Variants in SORCS3 observed in about 807,000 individuals in gnomAD.
SORCS3 encodes VPS10 domain-containing receptor SorCS3.
A neutral mutation model predicts 146.3 loss-of-function variants in SORCS3; 57 were observed. The observed-to-expected ratio is 0.39, with a 90% CI of 0.31 to 0.49. The LOEUF is 0.49. SORCS3 is among the 20% of genes least tolerant of loss of function. SORCS3 has a pLI of 0.92. For synonymous variants in SORCS3, 653 were observed against 618.5 expected (o/e 1.06, Z -0.83); for missense variants, 1,341 against 1,575.5 (o/e 0.85, Z 2.52).
chr10:105,116,887 A>G (rs1823714), intron 7 of SORCS3, among the ~76,000 whole-genome samples: 77,319 of 151,854 alleles, frequency 0.51, 19,972 homozygotes, highest in Admixed American at 0.55. Context: ...CCTACTTAAA[A>G]GTGGAGGGTG....
In SORCS3 at chr10:105,164,435, C is replaced by A. The variant is rs2056295398; in HGVS notation, c.1809+56C>A. The A allele has an allele frequency of 6.1e-6, 7 of 1,149,992 alleles. No individual in the cohort carries two copies. In the East Asian group the frequency reaches 1.6e-4, roughly 27 times the overall value. The allele number at this position is 1,149,992 out of a possible 1,614,324, so 71.2% of individuals were successfully genotyped here. On this transcript the variant is annotated intron_variant, in intron 12 of 26. Coordinates refer to ENST00000369701, the MANE Select transcript of SORCS3 (RefSeq NM_014978.3). Reference sequence around the variant, plus strand: ...GGCATTTAGAGTAAGTTCTACCAATCTCTCTCTCCATCCTATAGATTCTCA... The same window carrying A: ...GGCATTTAGAGTAAGTTCTACCAATATCTCTCTCCATCCTATAGATTCTCA...
chr10:104,834,237 T>C (rs1589517293), intron 1 of SORCS3, among the ~76,000 whole-genome samples: 1 of 152,134 alleles, frequency 6.6e-6, no homozygotes, highest in African/African-American at 2.4e-5. Context: ...AAAACCTAAG[T>C]CCTCCATGTA....
chr10:105,147,483 A>G, intron 8 of SORCS3, 134 bp from the exon 9 acceptor site: 1 of 667,642 alleles, frequency 1.5e-6, no homozygotes, highest in Non-Finnish European at 2.3e-6. Flanking sequence ...TTGGTTCAAC[A>G]TGGAATTGTT....
chr10:105,219,064 G>T (rs12254901), intron 19 of SORCS3, among the ~76,000 whole-genome samples: 11,556 of 152,180 alleles, frequency 0.076, 529 homozygotes, highest in Middle Eastern at 0.17. Flanking sequence ...TAAAAGGGAG[G>T]CTGTGAGAAT....
intron 3 of SORCS3, among the ~76,000 whole-genome samples, chr10:104,969,597 C>T (rs945843771): frequency 3.3e-5 from 5 of 152,062 alleles, no homozygotes; most frequent in Admixed American, 3.3e-4. Flanking sequence ...AGAGACACTA[C>T]CAGTGATATC....
At chr10:104,750,197 A>G (rs2016967824) in intron 1 of SORCS3, among the ~76,000 whole-genome samples, 1 of 152,146 alleles carries the variant, frequency 6.6e-6, no homozygotes, top group Non-Finnish European at 1.5e-5. Context: ...AATGAAGAGG[A>G]GGTGATGATC....
chr10:104,701,742 C>T (rs376701127), intron 1 of SORCS3, among the ~76,000 whole-genome samples: 13 of 152,156 alleles, frequency 8.5e-5, no homozygotes, highest in African/African-American at 3.1e-4. Flanking sequence ...AGAGTTCAGG[C>T]AAGAGTAGAT....
intron 14 of SORCS3, among the ~76,000 whole-genome samples, chr10:105,179,850 A>C (rs2056432109): frequency 6.6e-6 from 1 of 152,232 alleles, no homozygotes; most frequent in African/African-American, 2.4e-5. Context: ...GAAGACAGGG[A>C]GTCCATTTGG....
intron 2 of SORCS3, among the ~76,000 whole-genome samples, chr10:104,871,602 A>C (rs1220566433): frequency 6.6e-6 from 1 of 152,172 alleles, no homozygotes; most frequent in Non-Finnish European, 1.5e-5. Flanking sequence ...ATTTTTTCTT[A>C]TGGAGAGTAA....
chr10:104,675,336 T>G (rs1195324206), intron 1 of SORCS3, among the ~76,000 whole-genome samples: 2 of 152,218 alleles, frequency 1.3e-5, no homozygotes, highest in Non-Finnish European at 2.9e-5. Context: ...TTCCTTATTT[T>G]CTGGACTTGA....
chr10:104,817,062 G>C (rs1157226659), intron 1 of SORCS3, among the ~76,000 whole-genome samples: 2 of 152,152 alleles, frequency 1.3e-5, no homozygotes, highest in East Asian at 3.9e-4. Flanking sequence ...AAGCCCAAAG[G>C]AAGTTTGTTG....
At chr10:105,011,878 AT>A (rs1245994706) in intron 4 of SORCS3, among the ~76,000 whole-genome samples, 1 of 152,192 alleles carries the variant, frequency 6.6e-6, no homozygotes, top group Non-Finnish European at 1.5e-5. Flanking sequence ...TACGTCTGTA[AT>A]ATTTTTAAAA....
chr10:105,237,913 A>G (rs1021927216), intron 20 of SORCS3, among the ~76,000 whole-genome samples: 6 of 152,168 alleles, frequency 3.9e-5, no homozygotes, highest in Middle Eastern at 3.2e-3. Flanking sequence ...CTAGGTTACT[A>G]TGTAAGTAGT....
At chr10:104,901,446 C>G (rs975109536) in intron 2 of SORCS3, among the ~76,000 whole-genome samples, 1 of 152,172 alleles carries the variant, frequency 6.6e-6, no homozygotes, top group Non-Finnish European at 1.5e-5. Context: ...TCATTTATCC[C>G]TTATTTATTC....
chr10:105,234,712 CT>C lies in SORCS3; in HGVS notation c.2869-10821del, dbSNP rs544901018. The stretch of plus-strand genomic sequence containing the variant: ...ACAGTGTTTTTGATCCCTAGCATTT[CT>C]TTTTTTTTCTTAGAATTTTCAACTT... On this transcript the variant is annotated intron_variant, in intron 20 of 26. Coordinates refer to ENST00000369701, the MANE Select transcript of SORCS3 (RefSeq NM_014978.3). Among the ~76,000 whole-genome samples the C allele has an allele frequency of 5.4e-4, 81 of 151,094 alleles. No homozygotes were observed. The South Asian group carries it at 0.016, about 29-fold the overall frequency.
intron 5 of SORCS3, among the ~76,000 whole-genome samples, chr10:105,050,190 C>T (rs1423159862): frequency 1.3e-5 from 2 of 152,058 alleles, no homozygotes; most frequent in Non-Finnish European, 2.9e-5. Flanking sequence ...TGGGAGACAG[C>T]CTCCAAGTGG....
chr10:105,080,619 A>G (rs901026742), intron 5 of SORCS3, among the ~76,000 whole-genome samples: 14 of 152,004 alleles, frequency 9.2e-5, no homozygotes, highest in African/African-American at 3.1e-4. Context: ...TCCAGTTCCT[A>G]TGTCCAGAAT....
At position 104,902,210 on chromosome 10, in the gene SORCS3, A is replaced by G. The variant is rs1270475889; in HGVS notation, c.696-13623A>G. Among the ~76,000 whole-genome samples, 3 of 152,234 alleles carry G rather than the reference A, an allele frequency of 2.0e-5. No individual in the cohort carries two copies. The East Asian group carries it at 5.8e-4, about 29-fold the overall frequency. ...GTGTGAGCCACTGAAGATGGCTGATAGGACCATGTTGCTGCCAGTCCTGAT... is the reference window on the plus strand; with the variant it reads ...GTGTGAGCCACTGAAGATGGCTGATGGGACCATGTTGCTGCCAGTCCTGAT... On this transcript the variant is annotated intron_variant, in intron 2 of 26. Coordinates refer to ENST00000369701, the MANE Select transcript of SORCS3 (RefSeq NM_014978.3).
chr10:104,668,800 A>G (rs188106078), intron 1 of SORCS3, among the ~76,000 whole-genome samples: 118 of 152,342 alleles, frequency 7.7e-4, no homozygotes, highest in African/African-American at 2.6e-3. Context: ...TACAGGCACC[A>G]TAGGTGAAGG....
Sources: gnomAD v4.1 joint callset for allele counts (sites outside exome capture counted in the v4.1 genomes callset) on GRCh38, gnomAD v4.1.1 for gene constraint, MANE v1.5 for transcripts, NCBI Gene and HGNC (gene_info 2026-07-23, HGNC 2026-07-21) for gene names.